The following ANKS3 variants were observed in gnomAD, a reference collection of about 807,000 sequenced individuals.
ANKS3 encodes ankyrin repeat and sterile alpha motif domain containing 3.
ANKS3 carries 62 observed loss-of-function variants against 80.7 expected under a neutral mutation model. The ratio of observed to expected loss-of-function variants is 0.77; its 90% CI spans 0.63 to 0.95. The LOEUF is 0.95. ANKS3 is among the 40% of genes least tolerant of loss of function. ANKS3 has a pLI of 0.00. For synonymous variants in ANKS3, 489 were observed against 355.3 expected, an observed-to-expected ratio of 1.38 and a Z score of -4.23; for missense variants, 1,150 against 883.6, an observed-to-expected ratio of 1.30 and a Z score of -3.82.
chr16:4,725,636 C>T (rs2081309039), intron 5 of ANKS3, among the ~76,000 whole-genome samples: 1 of 152,172 alleles, frequency 6.6e-6, no homozygotes, highest in South Asian at 2.1e-4. Flanking sequence ...ATCCCACTTC[C>T]AACTTATAAA....
intron 1 of ANKS3, among the ~76,000 whole-genome samples, chr16:4,732,395 G>C (rs2081669862): frequency 1.3e-5 from 2 of 152,156 alleles, no homozygotes; most frequent in African/African-American, 4.8e-5. Flanking sequence ...CTATTTACTG[G>C]AGACTTGCAT....
chr16:4,707,590 T>A (rs2080267370), intron 7 of ANKS3, among the ~76,000 whole-genome samples: 1 of 152,090 alleles, frequency 6.6e-6, no homozygotes, highest in Admixed American at 6.6e-5. Context: ...GAAGGACACT[T>A]CTAATACTAA....
intron 6 of ANKS3, among the ~76,000 whole-genome samples, chr16:4,719,694 G>A (rs1490992069): frequency 1.3e-5 from 2 of 151,996 alleles, no homozygotes; most frequent in Non-Finnish European, 2.9e-5. Context: ...AGCTACTGAG[G>A]AGGCTGAGGC....
Position 4,697,981 on chromosome 16 carries a change from T to TG in ANKS3, c.1805dup (p.Ala603SerfsTer2). The TG allele has an allele frequency of 1.9e-6, 3 of 1,591,772 alleles. No individual in the cohort carries two copies. The highest frequency in any genetic ancestry group is 1.2e-5 in the South Asian group (1 of 86,782). The stretch of plus-strand genomic sequence containing the variant: ...GAGTCAGGCCACTGCTCTTACCAGC[T>TG]GGGGGGACGGCTAGGCCCAGAGTGG... On this transcript the variant is annotated frameshift_variant, in exon 15 of 18. Coordinates refer to ENST00000304283, the MANE Select transcript of ANKS3 (RefSeq NM_133450.4). LOFTEE classifies it high-confidence loss of function.
chr16:4,720,569 A>T (rs2081038405), intron 6 of ANKS3, among the ~76,000 whole-genome samples: 1 of 151,390 alleles, frequency 6.6e-6, no homozygotes, highest in Non-Finnish European at 1.5e-5. Flanking sequence ...CACCTCACAC[A>T]ACAAAGACTC....
intron 6 of ANKS3, among the ~76,000 whole-genome samples, chr16:4,721,675 G>A (rs1235820608): frequency 1.3e-5 from 2 of 150,896 alleles, no homozygotes; most frequent in Non-Finnish European, 3.0e-5. Flanking sequence ...GTCTCACTCT[G>A]TCACCCAGGC....
chr16:4,717,029 C>G (rs1319355239), intron 6 of ANKS3, among the ~76,000 whole-genome samples: 1 of 151,046 alleles, frequency 6.6e-6, no homozygotes, highest in Non-Finnish European at 1.5e-5. Flanking sequence ...GTCAGGAGTT[C>G]AAGACCAGCC....
At chr16:4,704,524 G>T (rs1323890141) in intron 8 of ANKS3, among the ~76,000 whole-genome samples, 1 of 152,166 alleles carries the variant, frequency 6.6e-6, no homozygotes, top group Admixed American at 6.5e-5. Flanking sequence ...CTCCCCAAGA[G>T]CAAAACGCTC....
At chr16:4,702,547 A>T (rs1042182673) in intron 8 of ANKS3, among the ~76,000 whole-genome samples, 3 of 152,176 alleles carry the variant, frequency 2.0e-5, no homozygotes, top group Non-Finnish European at 4.4e-5. Context: ...CTGACCAGAG[A>T]AAACTATACC....
intron 9 of ANKS3, 152 bp downstream of exon 9, chr16:4,701,950 C>T (rs780470879): frequency 5.0e-5 from 49 of 983,380 alleles, no homozygotes; most frequent in East Asian, 2.0e-4. Context: ...TCCCATTCCT[C>T]ACAAGAACCA....
intron 8 of ANKS3, 146 bp downstream of exon 8, chr16:4,704,949 T>C (rs113606009): frequency 3.8e-6 from 4 of 1,052,286 alleles, no homozygotes; most frequent in African/African-American, 3.2e-5. Context: ...TGAGTCTCCC[T>C]GAGCATGAAA....
At chr16:4,716,221 G>A (rs982849096) in intron 6 of ANKS3, among the ~76,000 whole-genome samples, 3 of 151,780 alleles carry the variant, frequency 2.0e-5, no homozygotes, top group East Asian at 1.9e-4. Flanking sequence ...TTAGCCGGGC[G>A]TGGTGGTGGG....
chr16:4,698,768 C>A, intron 13 of ANKS3, 32 bp downstream of exon 13: 1 of 1,572,696 alleles, frequency 6.4e-7, no homozygotes, highest in Non-Finnish European at 8.6e-7. Flanking sequence ...CGGGTGTCAC[C>A]CTGCCCCCCC....
intron 3 of ANKS3, among the ~76,000 whole-genome samples, chr16:4,728,948 C>G (rs2081490477): frequency 6.6e-6 from 1 of 152,166 alleles, no homozygotes. Flanking sequence ...AACCGGAGAC[C>G]TGGGGCTTCA....
intron 5 of ANKS3, among the ~76,000 whole-genome samples, chr16:4,725,850 G>A (rs934440656): frequency 6.6e-5 from 10 of 151,642 alleles, no homozygotes; most frequent in Non-Finnish European, 1.5e-4. Flanking sequence ...AGTAGAGACG[G>A]GGTTTCACCA....
chr16:4,704,110 G>A (rs899685392), intron 8 of ANKS3, among the ~76,000 whole-genome samples: 5 of 152,316 alleles, frequency 3.3e-5, no homozygotes, highest in Admixed American at 3.3e-4. Flanking sequence ...TGGTGGGGCT[G>A]GCCAGCAGCT....
Position 4,701,039 on chromosome 16 carries a change from T to A in ANKS3, c.1215A>T (p.Ala405=). ...CAGCGAGAAAGCCTTCCCTGTCAGT[T>A]GCAGCGCGGGGAGGCCACTGGCTGT... ...NPDSQWPPRA[A]TDREGFLAES... is the part of the protein sequence containing the mutation. Residue 405 remains alanine (A), a synonymous_variant, in exon 11 of 18, where the codon GCA becomes GCT. Transcript: ENST00000304283. 1 of 1,614,132 alleles carries A rather than the reference T, an allele frequency of 6.2e-7. No individual in the cohort carries two copies. Among genetic ancestry groups the A allele is most frequent in the Non-Finnish European group, 8.5e-7 (1 of 1,180,020 alleles).
At chr16:4,705,375 G>C (rs2080128790) in intron 7 of ANKS3, 122 bp from the exon 8 acceptor site, 2 of 1,206,642 alleles carry the variant, frequency 1.7e-6, no homozygotes, top group South Asian at 3.0e-5. Context: ...AAGGGTATCT[G>C]CCAGGGCATC....
intron 6 of ANKS3, among the ~76,000 whole-genome samples, chr16:4,718,187 T>G (rs1179936577): frequency 6.6e-6 from 1 of 152,074 alleles, no homozygotes; most frequent in Non-Finnish European, 1.5e-5. Flanking sequence ...CTAAAAGTGC[T>G]GGGATTACTG....
Sources: gnomAD v4.1 joint callset for allele counts (sites outside exome capture counted in the v4.1 genomes callset) on GRCh38, gnomAD v4.1.1 for gene constraint, MANE v1.5 for transcripts, NCBI Gene and HGNC (gene_info 2026-07-23, HGNC 2026-07-21) for gene names.